Variants in CTIF observed in about 807,000 individuals in gnomAD.
CTIF encodes the protein cap binding complex dependent translation initiation factor.
In CTIF, 21 loss-of-function variants were observed where a neutral mutation model predicts 66.0. The ratio of observed to expected loss-of-function variants is 0.32; its 90% CI spans 0.23 to 0.46. CTIF has a LOEUF of 0.46. Ranked by LOEUF, CTIF falls within the 20% of genes least tolerant of loss-of-function variation. The pLI is 1.00. For synonymous variants in CTIF, 345 were observed against 326.4 expected, an observed-to-expected ratio of 1.06 and a Z score of -0.62; for missense variants, 739 against 812.7, an observed-to-expected ratio of 0.91 and a Z score of 1.10.
In CTIF at chr18:48,625,241, G is replaced by A. The variant is rs558305226; in HGVS notation, c.180+5496G>A. 29 of 984,418 alleles carry A rather than the reference G, an allele frequency of 2.9e-5. No homozygotes were observed. The African/African-American group carries it at 5.1e-4, about 17-fold the overall frequency. 61.0% of individuals were successfully genotyped at this position (984,418 alleles called of 1,614,324 possible). On this transcript the variant is annotated intron_variant, in intron 2 of 11. Coordinates refer to ENST00000256413, the MANE Select transcript of CTIF (RefSeq NM_014772.3). ...ATGAAAGGCTTAACAGAAGAAGTGA[G>A]TTTATAGGAGGACTGCGGGGTGGTT...
intron 2 of CTIF, among the ~76,000 whole-genome samples, chr18:48,631,837 GT>G (rs1490795491): frequency 6.6e-6 from 1 of 152,104 alleles, no homozygotes; most frequent in Non-Finnish European, 1.5e-5. Flanking sequence ...GAACTTAAAG[GT>G]TCAGGAGGCT....
chr18:48,798,699 C>T (rs867183566), intron 9 of CTIF, among the ~76,000 whole-genome samples: 6 of 152,234 alleles, frequency 3.9e-5, no homozygotes, highest in Admixed American at 3.9e-4. Flanking sequence ...GCCTCTGGAT[C>T]TTGCTGTGTC....
At chr18:48,793,553 CATG>C (rs2067840984) in intron 9 of CTIF, among the ~76,000 whole-genome samples, 1 of 152,216 alleles carries the variant, frequency 6.6e-6, no homozygotes, top group Non-Finnish European at 1.5e-5. Flanking sequence ...TTTCCTCCCT[CATG>C]ATGATAGCTC....
chr18:48,792,804 G>T (rs1168069204), intron 9 of CTIF, among the ~76,000 whole-genome samples: 1 of 152,166 alleles, frequency 6.6e-6, no homozygotes, highest in Non-Finnish European at 1.5e-5. Context: ...CTTCAGGAGG[G>T]TGGACCAGGA....
intron 6 of CTIF, among the ~76,000 whole-genome samples, chr18:48,681,410 C>A (rs752002916): frequency 1.3e-5 from 2 of 151,702 alleles, no homozygotes; most frequent in African/African-American, 4.8e-5. Flanking sequence ...AGAGTGGGGC[C>A]CCCAGCTGGA....
At chr18:48,721,172 T>G (rs1341109904) in intron 7 of CTIF, among the ~76,000 whole-genome samples, 2 of 152,128 alleles carry the variant, frequency 1.3e-5, no homozygotes, top group Non-Finnish European at 2.9e-5. Flanking sequence ...TCAGACCCCT[T>G]AAGCCCTAAA....
chr18:48,842,104 C>T (rs868572425), intron 10 of CTIF, among the ~76,000 whole-genome samples: 2 of 152,088 alleles, frequency 1.3e-5, no homozygotes, highest in African/African-American at 2.4e-5. Context: ...GAGACGGGGA[C>T]GTTCAAGTAA....
intron 7 of CTIF, among the ~76,000 whole-genome samples, chr18:48,724,637 G>A (rs190474482): frequency 3.9e-4 from 60 of 152,334 alleles, no homozygotes; most frequent in African/African-American, 1.1e-3. Context: ...GCTGCTGGGC[G>A]GGGTCCAGCC....
intron 10 of CTIF, among the ~76,000 whole-genome samples, chr18:48,851,276 AG>A (rs1408587120): frequency 2.0e-5 from 3 of 152,240 alleles, no homozygotes; most frequent in African/African-American, 7.2e-5. Flanking sequence ...AGATACGAGA[AG>A]GGAAGAAAAA....
intron 1 of CTIF, among the ~76,000 whole-genome samples, chr18:48,545,382 C>G (rs2088721429): frequency 1.3e-5 from 2 of 151,770 alleles, no homozygotes; most frequent in South Asian, 2.1e-4. Flanking sequence ...ACTGGTGAGG[C>G]AGTAACAGGC....
chr18:48,581,063 T>C (rs902093229), intron 1 of CTIF, among the ~76,000 whole-genome samples: 1 of 152,240 alleles, frequency 6.6e-6, no homozygotes, highest in Non-Finnish European at 1.5e-5. Flanking sequence ...TGCTGTGCCA[T>C]TACACATTTT....
intron 1 of CTIF, among the ~76,000 whole-genome samples, chr18:48,540,718 C>T (rs1244794873): frequency 3.9e-5 from 6 of 151,990 alleles, no homozygotes; most frequent in Admixed American, 3.9e-4. Flanking sequence ...TGTGTACACA[C>T]GGCTCCGGTG....
chr18:48,739,270 G>A (rs1341679169), intron 7 of CTIF, among the ~76,000 whole-genome samples: 1 of 152,216 alleles, frequency 6.6e-6, no homozygotes, highest in Admixed American at 6.5e-5. Context: ...ACAGGCCACA[G>A]TGGGTTATTG....
At chr18:48,680,881 C>T (rs182585449) in intron 6 of CTIF, among the ~76,000 whole-genome samples, 33 of 152,326 alleles carry the variant, frequency 2.2e-4, no homozygotes, top group African/African-American at 5.1e-4. Context: ...TTCCTGGCAG[C>T]GGTGAGTTTA....
intron 7 of CTIF, among the ~76,000 whole-genome samples, chr18:48,717,637 G>A (rs12608225): frequency 0.17 from 25,476 of 151,918 alleles, 2,384 homozygotes; most frequent in South Asian, 0.38. Flanking sequence ...AGTGAATTTT[G>A]TACTGTGTGA....
chr18:48,769,302 C>T (rs1244930936), intron 9 of CTIF, among the ~76,000 whole-genome samples: 1 of 152,240 alleles, frequency 6.6e-6, no homozygotes, highest in Non-Finnish European at 1.5e-5. Flanking sequence ...CATCGAGCTC[C>T]CCTCCACTAG....
chr18:48,754,810 C>A (rs1375353817), intron 7 of CTIF, among the ~76,000 whole-genome samples: 1 of 152,230 alleles, frequency 6.6e-6, no homozygotes, highest in African/African-American at 2.4e-5. Context: ...GGCTGGCTGG[C>A]TCCAAGCTCT....
rs1054981532 is a variant in CTIF at position 48,732,346 on chromosome 18, C to G, written c.584+20651C>G. On this transcript the variant is annotated intron_variant, in intron 7 of 11. Coordinates refer to ENST00000256413, the MANE Select transcript of CTIF (RefSeq NM_014772.3). ...GTAGGAAAAATAGAAGCCTGTTTCC[C>G]CTGCTTCACTGAGGTTGTAAGGCAA... Among the ~76,000 whole-genome samples the G allele has an allele frequency of 4.6e-5, 7 of 152,146 alleles. No individual in the cohort carries two copies. In the South Asian group the frequency reaches 1.5e-3, roughly 32 times the overall value.
Position 48,761,713 on chromosome 18 carries a change from G to A in CTIF, c.1371+24G>A, listed in dbSNP as rs544287469. Reference sequence around the variant, plus strand: ...AGGTAACTGGACGCCGGCCACCACCGCCCCGCGCCCCCTGCCCCTCTGCGT... The same window carrying A: ...AGGTAACTGGACGCCGGCCACCACCACCCCGCGCCCCCTGCCCCTCTGCGT... On this transcript the variant is annotated intron_variant, in intron 9 of 11. Coordinates refer to ENST00000256413, the MANE Select transcript of CTIF (RefSeq NM_014772.3). The surrounding 1 kb of genome is among the most constrained non-coding windows in gnomAD (Gnocchi z 4.2). 2.6e-5 allele frequency: 41 copies of A among 1,591,388 alleles called. No homozygotes were observed. Among genetic ancestry groups the A allele is most frequent in the Non-Finnish European group, 3.1e-5 (36 of 1,165,358 alleles).
Sources: gnomAD v4.1 joint callset for allele counts (sites outside exome capture counted in the v4.1 genomes callset) on GRCh38, gnomAD v4.1.1 for gene constraint, Gnocchi (gnomAD v3.1) non-coding constraint, MANE v1.5 for transcripts, NCBI Gene and HGNC (gene_info 2026-07-23, HGNC 2026-07-21) for gene names.